Variants in POU6F2 observed in about 807,000 individuals in gnomAD.
The protein encoded by POU6F2 is POU class 6 homeobox 2.
A neutral mutation model predicts 71.3 loss-of-function variants in POU6F2; 31 were observed. That is an observed-to-expected ratio of 0.43 (90% CI 0.33 to 0.59). The LOEUF is 0.59. Among genes scored for constraint, POU6F2 ranks in the 20% least tolerant of loss-of-function variants. POU6F2 has a pLI of 0.04. For synonymous variants in POU6F2, 347 were observed against 355.7 expected (o/e 0.98, Z 0.27); for missense variants, 783 against 856.8 (o/e 0.91, Z 1.07).
chr7:39,055,435 G>A (rs1790486297), intron 1 of POU6F2, among the ~76,000 whole-genome samples: 1 of 152,086 alleles, frequency 6.6e-6, no homozygotes, highest in Non-Finnish European at 1.5e-5. Context: ...TATAAGTCCT[G>A]TTTGCCTGAA....
At position 39,454,694 on chromosome 7, in the gene POU6F2, AT is replaced by A. The variant is rs1268147563; in HGVS notation, c.1489+2994del. On this transcript the variant is annotated intron_variant, in intron 8 of 9. Coordinates refer to ENST00000518318, the MANE Select transcript of POU6F2 (RefSeq NM_001370959.1). ...TATATATATATATATATATATATAT[AT>A]ATATATATATATATATATATATATA... is the stretch of plus-strand genomic sequence containing the variant. Among the ~76,000 whole-genome samples, 18 of 53,520 alleles carry A rather than the reference AT, an allele frequency of 3.4e-4. 2 individuals are homozygous for A. The highest frequency in any genetic ancestry group is 1.6e-3 in the East Asian group (4 of 2,536). The allele number at this position is 53,520 out of a possible 152,430, so 35.1% of individuals were successfully genotyped here. A position where few individuals can be genotyped will look rare whatever the true frequency, so the allele number is the denominator to read the frequency against.
At chr7:39,238,087 G>A (rs74919346) in intron 4 of POU6F2, among the ~76,000 whole-genome samples, 3,820 of 152,068 alleles carry the variant, frequency 0.025, 75 homozygotes, top group Non-Finnish European at 0.037. Flanking sequence ...ATTTCAGGGG[G>A]GTATAAATAC....
intron 2 of POU6F2, among the ~76,000 whole-genome samples, chr7:39,115,274 T>G (rs369643199): frequency 1.3e-5 from 2 of 152,212 alleles, no homozygotes; most frequent in Admixed American, 6.5e-5. Context: ...TCTTTTTTCT[T>G]AACAAACTTC....
At chr7:39,458,569 G>A (rs1788861152) in intron 8 of POU6F2, among the ~76,000 whole-genome samples, 1 of 152,112 alleles carries the variant, frequency 6.6e-6, no homozygotes, top group South Asian at 2.1e-4. Flanking sequence ...TGCTCGTGGG[G>A]TTTGGAATCC....
chr7:39,339,604 A>G lies in POU6F2; in HGVS notation c.599-38A>G, dbSNP rs553594653. On this transcript the variant is annotated intron_variant, in intron 4 of 9. Transcript: ENST00000518318. ...TCAAGACCCAGCAAGACACTTTGTC[A>G]TGTTATCTCACTCCACATTCGCTTT... The G allele has an allele frequency of 1.7e-5, 27 of 1,545,202 alleles. 1 individual carries two copies. The South Asian group carries it at 3.0e-4, about 17-fold the overall frequency.
At position 39,089,243 on chromosome 7, in the gene POU6F2, T is replaced by C. The variant is rs113149812; in HGVS notation, c.277+3212T>C. 2.0e-5 allele frequency among the ~76,000 whole-genome samples: 3 copies of C among 152,358 alleles called. 1 individual carries two copies. The highest frequency in any genetic ancestry group is 7.2e-5 in the African/African-American group (3 of 41,584). On this transcript the variant is annotated intron_variant, in intron 2 of 9. Transcript: ENST00000518318. Reference sequence around the variant, plus strand: ...CATGTGGTTAGGTAGTTCTCTGTGATATCATTAAGTGATGCATTATTTATT... The same window carrying C: ...CATGTGGTTAGGTAGTTCTCTGTGACATCATTAAGTGATGCATTATTTATT...
intron 1 of POU6F2, among the ~76,000 whole-genome samples, chr7:39,048,633 T>G (rs1365516478): frequency 1.3e-5 from 2 of 152,026 alleles, no homozygotes; most frequent in African/African-American, 4.8e-5. Flanking sequence ...TTGTGAATAG[T>G]GCTGCAATGA....
intron 5 of POU6F2, among the ~76,000 whole-genome samples, chr7:39,391,490 A>T (rs529758703): frequency 6.6e-6 from 1 of 152,218 alleles, no homozygotes; most frequent in Non-Finnish European, 1.5e-5. Context: ...CAAAATAAGA[A>T]CTCAGTAGTG....
chr7:39,244,966 GATATGAGAA>G (rs1040015168), intron 4 of POU6F2, among the ~76,000 whole-genome samples: 1 of 152,134 alleles, frequency 6.6e-6, no homozygotes, highest in African/African-American at 2.4e-5. Context: ...TTTCCAGAGG[GATATGAGAA>G]ATCTCTGAAC....
intron 5 of POU6F2, among the ~76,000 whole-genome samples, chr7:39,352,685 A>C (rs1786162290): frequency 6.6e-6 from 1 of 152,134 alleles, no homozygotes; most frequent in African/African-American, 2.4e-5. Flanking sequence ...TGAATGGGGA[A>C]TTTACTTTAT....
intron 6 of POU6F2, among the ~76,000 whole-genome samples, chr7:39,410,134 C>G (rs1384683434): frequency 6.6e-6 from 1 of 152,126 alleles, no homozygotes; most frequent in East Asian, 1.9e-4. Context: ...GATCACTTGA[C>G]TCCAGGAATT....
chr7:39,172,997 C>G (rs1345167513), intron 2 of POU6F2, among the ~76,000 whole-genome samples: 1 of 151,898 alleles, frequency 6.6e-6, no homozygotes, highest in Non-Finnish European at 1.5e-5. Flanking sequence ...CAAATGCAAC[C>G]CTCAGATGTT....
At chr7:39,439,862 G>T (rs1017320654) in intron 7 of POU6F2, among the ~76,000 whole-genome samples, 3 of 143,430 alleles carry the variant, frequency 2.1e-5, no homozygotes, top group African/African-American at 8.1e-5. Context: ...AGGAGCTCTT[G>T]CAGAGCAGGT....
intron 1 of POU6F2, among the ~76,000 whole-genome samples, chr7:39,030,733 G>A (rs1275740453): frequency 1.3e-5 from 2 of 150,622 alleles, no homozygotes; most frequent in Non-Finnish European, 3.0e-5. Context: ...GTGACTGCTG[G>A]ATCATATGAG....
At chr7:39,137,611 T>A (rs1043436033) in intron 2 of POU6F2, among the ~76,000 whole-genome samples, 31 of 152,312 alleles carry the variant, frequency 2.0e-4, no homozygotes, top group African/African-American at 5.1e-4. Flanking sequence ...TTTTCAAAAA[T>A]TTTAATTGGT....
At chr7:39,386,667 G>A (rs577215968) in intron 5 of POU6F2, among the ~76,000 whole-genome samples, 1 of 152,306 alleles carries the variant, frequency 6.6e-6, no homozygotes, top group African/African-American at 2.4e-5. Context: ...TTGAGCTAGA[G>A]TCCCACTTTA....
chr7:39,315,763 C>T (rs551942422), intron 4 of POU6F2, among the ~76,000 whole-genome samples: 110 of 152,318 alleles, frequency 7.2e-4, no homozygotes, highest in South Asian at 1.9e-3. Flanking sequence ...AGAATGAACA[C>T]GTTCAGTGTT....
chr7:39,420,472 G>A (rs1033405713), intron 6 of POU6F2, among the ~76,000 whole-genome samples: 2 of 152,164 alleles, frequency 1.3e-5, no homozygotes, highest in African/African-American at 4.8e-5. Context: ...TGGAGATAAG[G>A]CAGTAGAAAT....
chr7:39,428,435 A>G (rs942908352), intron 6 of POU6F2, among the ~76,000 whole-genome samples: 2 of 152,226 alleles, frequency 1.3e-5, no homozygotes, highest in Non-Finnish European at 2.9e-5. Context: ...GAGATGAATC[A>G]CCACTGGTGG....
Sources: allele counts gnomAD v4.1 joint callset (sites outside exome capture counted in the v4.1 genomes callset), GRCh38; gene constraint gnomAD v4.1.1; transcripts MANE v1.5; gene names NCBI Gene and HGNC (gene_info 2026-07-23, HGNC 2026-07-21).